The following PRKCH variants were observed in gnomAD, a reference collection of about 807,000 sequenced individuals.
The protein encoded by PRKCH is protein kinase C eta type.
Under a neutral mutation model 82.5 loss-of-function variants are expected in PRKCH, and 28 were observed. That is an observed-to-expected ratio of 0.34 (90% confidence interval 0.25 to 0.47). PRKCH has a LOEUF of 0.47. PRKCH is among the 20% of genes least tolerant of loss of function. The probability of loss-of-function intolerance (pLI) is 1.00; values close to 1 mark genes in which losing one functional copy is unlikely to be tolerated. For missense variants in PRKCH, 705 were observed against 881.8 expected (o/e 0.80, Z 2.54); for synonymous variants, 322 against 327.4 (o/e 0.98, Z 0.18).
Position 61,530,300 on chromosome 14 carries a change from T to C in PRKCH, c.1573-107T>C, listed in dbSNP as rs969480303. The C allele has an allele frequency of 6.4e-6, 8 of 1,251,284 alleles. No homozygotes were observed. The African/African-American group carries it at 1.2e-4, about 19-fold the overall frequency. 77.5% of individuals were successfully genotyped at this position (1,251,284 alleles called of 1,614,324 possible). A position where few individuals can be genotyped will look rare whatever the true frequency, so the allele number is the denominator to read the frequency against. On this transcript the variant is annotated intron_variant, in intron 11 of 13. Transcript: ENST00000332981. The stretch of plus-strand genomic sequence containing the variant: ...ACGCTTGCTAGCACAGGAGACTTTT[T>C]TAAAAAAACTTTGATATTTCCTAAT...
At chr14:61,514,935 A>G (rs1363758894) in intron 10 of PRKCH, among the ~76,000 whole-genome samples, 2 of 152,260 alleles carry the variant, frequency 1.3e-5, no homozygotes, top group Non-Finnish European at 2.9e-5. Flanking sequence ...ATTGATATAA[A>G]TTCTTAAATG....
chr14:61,225,411 T>A (rs1409743630), intron 1 of PRKCH, among the ~76,000 whole-genome samples: 1 of 152,216 alleles, frequency 6.6e-6, no homozygotes. Flanking sequence ...CTGGGCTGCA[T>A]ATCCTCCTAA....
chr14:61,468,408 G>T (rs1241790518), intron 9 of PRKCH, among the ~76,000 whole-genome samples: 1 of 152,168 alleles, frequency 6.6e-6, no homozygotes, highest in African/African-American at 2.4e-5. Flanking sequence ...GCCAACATAT[G>T]TTGGACCCGC....
At chr14:61,394,210 T>G (rs985145049) in intron 2 of PRKCH, among the ~76,000 whole-genome samples, 2 of 152,184 alleles carry the variant, frequency 1.3e-5, no homozygotes, top group Non-Finnish European at 2.9e-5. Flanking sequence ...TCTGCATTAT[T>G]AAATCTTGTC....
intron 7 of PRKCH, among the ~76,000 whole-genome samples, chr14:61,456,161 A>G (rs3783797): frequency 0.085 from 13,006 of 152,152 alleles, 1,103 homozygotes; most frequent in African/African-American, 0.22. Flanking sequence ...CCTCCTAATG[A>G]CTCATGTGGC....
chr14:61,538,513 G>A (rs960528255), intron 12 of PRKCH, among the ~76,000 whole-genome samples: 1 of 152,184 alleles, frequency 6.6e-6, no homozygotes, highest in Admixed American at 6.5e-5. Context: ...AAGGTTGGAA[G>A]TCCTTACATT....
At chr14:61,219,511 A>G (rs2044639371) in intron 1 of PRKCH, among the ~76,000 whole-genome samples, 1 of 152,208 alleles carries the variant, frequency 6.6e-6, no homozygotes, top group Non-Finnish European at 1.5e-5. Context: ...CACTTTGACC[A>G]GGTGAGGAGT....
chr14:61,267,072 G>A (rs2045109666), intron 1 of PRKCH, among the ~76,000 whole-genome samples: 1 of 152,154 alleles, frequency 6.6e-6, no homozygotes, highest in South Asian at 2.1e-4. Flanking sequence ...GCGGAGAAAA[G>A]GACCTGGAGG....
At chr14:61,381,538 G>A (rs536279248) in intron 1 of PRKCH, among the ~76,000 whole-genome samples, 4 of 152,300 alleles carry the variant, frequency 2.6e-5, no homozygotes, top group East Asian at 3.9e-4. Flanking sequence ...TTCCCATGTC[G>A]GGGGGATACC....
In PRKCH at chr14:61,191,855, AC is replaced by A. The variant is rs568746031; in HGVS notation, c.-19+4188del. On this transcript the variant is annotated intron_variant, in intron 1 of 3. Coordinates refer to the PRKCH transcript ENST00000555185. Reference sequence around the variant, plus strand: ...TGGTTTTGATCAAATCCCCAAATAAACTTTTTCCTAAGTTCTTTCCCCCTTA... The same window carrying A: ...TGGTTTTGATCAAATCCCCAAATAAATTTTTCCTAAGTTCTTTCCCCCTTA... 1.2e-4 allele frequency among the ~76,000 whole-genome samples: 18 copies of A among 152,228 alleles called. No individual in the cohort carries two copies. The South Asian group carries it at 3.7e-3, about 32-fold the overall frequency.
intron 1 of PRKCH, among the ~76,000 whole-genome samples, chr14:61,334,616 GGGTGGCAGAAAGAGAGTCGGCTT>G (rs2045830593): frequency 6.6e-6 from 1 of 152,170 alleles, no homozygotes; most frequent in Non-Finnish European, 1.5e-5. Context: ...AAACAGTGGA[GGGTGGCAGAAAGAGAGTCGGCTT>G]GGTGTCAGAA....
intron 1 of PRKCH, among the ~76,000 whole-genome samples, chr14:61,255,752 C>A (rs1270738926): frequency 6.6e-6 from 1 of 152,022 alleles, no homozygotes; most frequent in African/African-American, 2.4e-5. Flanking sequence ...AGGGACAGTG[C>A]TACAGGATTA....
intron 2 of PRKCH, among the ~76,000 whole-genome samples, chr14:61,441,424 C>T (rs948011728): frequency 2.0e-5 from 3 of 152,172 alleles, no homozygotes; most frequent in Admixed American, 6.5e-5. Context: ...TGTTTCACCT[C>T]ACCCTTGTTA....
At position 61,510,452 on chromosome 14, in the gene PRKCH, G is replaced by A. The variant is rs371016431; in HGVS notation, c.1434-18623G>A. 5.9e-5 allele frequency among the ~76,000 whole-genome samples: 9 copies of A among 152,088 alleles called. No individual in the cohort carries two copies. In the East Asian group the frequency reaches 1.7e-3, roughly 29 times the overall value. On this transcript the variant is annotated intron_variant, in intron 10 of 13. Coordinates refer to ENST00000332981, the MANE Select transcript of PRKCH (RefSeq NM_006255.5). Reference sequence around the variant, plus strand: ...AGGAGGGGGAGCGATTCACATCGAAGGGAGTCTGATGATGTGGTTGGGGGA... The same window carrying A: ...AGGAGGGGGAGCGATTCACATCGAAAGGAGTCTGATGATGTGGTTGGGGGA...
chr14:61,538,063 A>G (rs560900356), intron 12 of PRKCH, among the ~76,000 whole-genome samples: 7 of 152,366 alleles, frequency 4.6e-5, no homozygotes, highest in Admixed American at 1.3e-4. Context: ...TGGAATGTTC[A>G]AGGAAGCCAG....
chr14:61,246,712 A>G (rs1301001563), intron 1 of PRKCH, among the ~76,000 whole-genome samples: 4 of 151,866 alleles, frequency 2.6e-5, no homozygotes, highest in Non-Finnish European at 5.9e-5. Flanking sequence ...CCTTTAAATA[A>G]CAACCATGTT....
At chr14:61,398,545 T>C (rs2046818092) in intron 2 of PRKCH, among the ~76,000 whole-genome samples, 1 of 152,178 alleles carries the variant, frequency 6.6e-6, no homozygotes, top group Admixed American at 6.5e-5. Context: ...CAAACTTAAA[T>C]GGTTGGCCCA....
At chr14:61,264,839 T>G (rs1441765985) in intron 1 of PRKCH, among the ~76,000 whole-genome samples, 1 of 152,198 alleles carries the variant, frequency 6.6e-6, no homozygotes, top group African/African-American at 2.4e-5. Context: ...CTTGAATTCC[T>G]TAGATTTTGG....
intron 2 of PRKCH, among the ~76,000 whole-genome samples, chr14:61,400,972 G>T (rs969611208): frequency 2.4e-4 from 37 of 152,014 alleles, no homozygotes; most frequent in African/African-American, 8.5e-4. Flanking sequence ...GGGGTGGGGG[G>T]GCAGCATTTT....
Sources: allele counts gnomAD v4.1 joint callset (sites outside exome capture counted in the v4.1 genomes callset), GRCh38; gene constraint gnomAD v4.1.1; transcripts MANE v1.5; gene names NCBI Gene and HGNC (gene_info 2026-07-23, HGNC 2026-07-21).